The following PCDH7 variants were observed in gnomAD, a reference collection of about 807,000 sequenced individuals.
PCDH7 encodes protocadherin-7.
A neutral mutation model predicts 58.9 loss-of-function variants in PCDH7; 17 were observed. That is an observed-to-expected ratio of 0.29 (90% CI 0.20 to 0.43). The LOEUF (loss-of-function observed/expected upper bound fraction) is 0.43. Among genes scored for constraint, PCDH7 ranks in the 20% least tolerant of loss-of-function variants. The pLI is 1.00. For missense variants in PCDH7, 1,274 were observed against 1,441.0 expected (o/e 0.88, Z 1.88); for synonymous variants, 664 against 616.4 (o/e 1.08, Z -1.14).
chr4:30,722,854 G>A lies in PCDH7; in HGVS notation c.1432G>A (p.Gly478Ser). The change falls in exon 1 of 2, where the codon GGC becomes AGC. Residue 478 changes from glycine to serine, a missense_variant. By Grantham distance (56) the Gly-to-Ser change is moderately conservative. This residue lies in a region of PCDH7 where 731 missense variants were observed against 881.9 expected (regional missense o/e 0.83). Transcript: ENST00000361762. This position sits in a 1 kb window ranked among gnomAD's most constrained non-coding sequence, Gnocchi z 7.6. ...GCTCAAGCCAGCCAGCGACACCGAG[G>A]GCGACCAGAACAAGAAAAAGTACTT... is the stretch of plus-strand genomic sequence containing the variant. 6.2e-7 allele frequency: 1 copy of A among 1,613,800 alleles called. No homozygotes were observed. Among genetic ancestry groups the A allele is most frequent in the African/African-American group, 1.3e-5 (1 of 75,030 alleles).
rs1329257546 is a variant in PCDH7, at chr4:30,721,152, G to A, written c.-271G>A. Reference sequence around the variant, plus strand: ...GTACTGCGACTGAACGGCGGCAGGCGAGCGGGCGATTAGCACCCATTGCAT... The same window carrying A: ...GTACTGCGACTGAACGGCGGCAGGCAAGCGGGCGATTAGCACCCATTGCAT... On this transcript the variant is annotated 5_prime_UTR_variant, in exon 1 of 2. Transcript: ENST00000361762. This position sits in a 1 kb window ranked among gnomAD's most constrained non-coding sequence, Gnocchi z 6.7. 4.4e-6 allele frequency: 2 copies of A among 458,990 alleles called. No individual in the cohort carries two copies. The highest frequency in any genetic ancestry group is 7.7e-6 in the Non-Finnish European group (2 of 260,344). 28.4% of individuals were successfully genotyped at this position (458,990 alleles called of 1,614,324 possible). A position where few individuals can be genotyped will look rare whatever the true frequency, so the allele number is the denominator to read the frequency against.
At chr4:30,968,342 A>ATATATC (rs1188805446) in intron 3 of PCDH7, among the ~76,000 whole-genome samples, 1 of 71,762 alleles carries the variant, frequency 1.4e-5, no homozygotes, top group Non-Finnish European at 2.4e-5. Context: ...TACACACACT[A>ATATATC]TATATATATA....
At chr4:30,867,731 G>A (rs1735051020) in intron 1 of PCDH7, among the ~76,000 whole-genome samples, 1 of 152,044 alleles carries the variant, frequency 6.6e-6, no homozygotes, top group Admixed American at 6.6e-5. Context: ...TGTGGAATAT[G>A]TCTATTTGTC....
intron 1 of PCDH7, among the ~76,000 whole-genome samples, chr4:30,834,240 G>A (rs144000151): frequency 2.6e-5 from 4 of 152,198 alleles, no homozygotes; most frequent in African/African-American, 7.2e-5. Context: ...TCCCCACTTG[G>A]TTTAATGGTT....
exon 2 of PCDH7, chr4:30,732,410 G>C (rs1254656752): frequency 6.6e-6 from 1 of 152,062 alleles, no homozygotes; most frequent in East Asian, 1.9e-4. Flanking sequence ...TCAAAGTCTA[G>C]AATTTTGGGT....
intron 1 of PCDH7, among the ~76,000 whole-genome samples, chr4:30,772,469 T>G (rs1721543796): frequency 6.6e-6 from 1 of 152,196 alleles, no homozygotes; most frequent in African/African-American, 2.4e-5. Context: ...AACTTCATAG[T>G]TCCTGAATTA....
chr4:30,778,234 T>C (rs190967064), intron 1 of PCDH7, among the ~76,000 whole-genome samples: 1 of 152,270 alleles, frequency 6.6e-6, no homozygotes, highest in Admixed American at 6.5e-5. Flanking sequence ...AAAATCCTTA[T>C]GATAATTTGG....
chr4:30,973,984 T>C (rs1434642979), intron 3 of PCDH7, among the ~76,000 whole-genome samples: 1 of 151,992 alleles, frequency 6.6e-6, no homozygotes, highest in Non-Finnish European at 1.5e-5. Context: ...AGAAGGAGTA[T>C]GCTTGAGGGT....
At chr4:30,874,265 A>G (rs912669072) in intron 1 of PCDH7, among the ~76,000 whole-genome samples, 4 of 152,004 alleles carry the variant, frequency 2.6e-5, no homozygotes, top group Non-Finnish European at 5.9e-5. Context: ...TTGCGGCACT[A>G]TTCACAATAG....
intron 3 of PCDH7, among the ~76,000 whole-genome samples, chr4:30,978,686 C>T (rs1408608094): frequency 6.6e-6 from 1 of 152,054 alleles, no homozygotes; most frequent in Non-Finnish European, 1.5e-5. Flanking sequence ...CATTATCGGG[C>T]AATATTTGGC....
At chr4:30,789,239 G>A (rs1702123132) in intron 1 of PCDH7, among the ~76,000 whole-genome samples, 1 of 152,216 alleles carries the variant, frequency 6.6e-6, no homozygotes, top group Non-Finnish European at 1.5e-5. Context: ...GCATTGCCTG[G>A]CAGAATATTA....
At chr4:30,865,077 G>T (rs1197739080) in intron 1 of PCDH7, among the ~76,000 whole-genome samples, 2 of 151,966 alleles carry the variant, frequency 1.3e-5, no homozygotes, top group African/African-American at 4.8e-5. Context: ...TACCCTACTA[G>T]TTGCTTAGTG....
At chr4:31,146,469 A>T (rs2109353121), downstream of PCDH7, 1 of 152,240 alleles carries the variant, frequency 6.6e-6, no homozygotes, top group South Asian at 2.1e-4. Flanking sequence ...TGGAGGAAGC[A>T]TCATTTGTTC....
intron 3 of PCDH7, among the ~76,000 whole-genome samples, chr4:30,990,932 A>G (rs755249776): frequency 2.6e-5 from 4 of 152,202 alleles, no homozygotes; most frequent in South Asian, 4.1e-4. Flanking sequence ...ATAATTATCT[A>G]TAATTCTTTA....
At chr4:30,935,407 A>G (rs1160461746) in intron 2 of PCDH7, 5 of 559,610 alleles carry the variant, frequency 8.9e-6, no homozygotes, top group Non-Finnish European at 1.1e-5. Context: ...GACTAAGAGT[A>G]CATGGGTCTC....
At chr4:31,126,451 C>A (rs1375609128) in intron 3 of PCDH7, among the ~76,000 whole-genome samples, 2 of 152,132 alleles carry the variant, frequency 1.3e-5, no homozygotes, top group African/African-American at 4.8e-5. Context: ...TGAGCCACCT[C>A]ACGCAGGCAA....
intron 1 of PCDH7, among the ~76,000 whole-genome samples, chr4:30,776,585 T>G (rs1406621319): frequency 6.6e-6 from 1 of 152,334 alleles, no homozygotes; most frequent in East Asian, 1.9e-4. Flanking sequence ...AAAGTATGCA[T>G]GTGCACTCAC....
At chr4:30,969,152 C>CT (rs1483028720) in intron 3 of PCDH7, among the ~76,000 whole-genome samples, 1 of 152,168 alleles carries the variant, frequency 6.6e-6, no homozygotes. Context: ...CCTAGACTTA[C>CT]TGGTTATTTG....
intron 3 of PCDH7, among the ~76,000 whole-genome samples, chr4:31,017,209 G>A (rs1436686899): frequency 6.6e-6 from 1 of 152,116 alleles, no homozygotes; most frequent in African/African-American, 2.4e-5. Flanking sequence ...TCTTCCAAAT[G>A]TCTGCTTTTA....
Sources: gnomAD v4.1 joint callset for allele counts (sites outside exome capture counted in the v4.1 genomes callset) on GRCh38, gnomAD v4.1.1 for gene constraint, gnomAD v4.1.1 regional missense constraint, Gnocchi (gnomAD v3.1) non-coding constraint, MANE v1.5 for transcripts, NCBI Gene and HGNC (gene_info 2026-07-23, HGNC 2026-07-21) for gene names.